The following WWOX variants were observed in gnomAD, a reference collection of about 807,000 sequenced individuals.
The protein encoded by WWOX is WW domain containing oxidoreductase.
In WWOX, 69 loss-of-function variants were observed where a neutral mutation model predicts 46.2. The ratio of observed to expected loss-of-function variants is 1.49; its 90% CI spans 1.23 to 1.82. WWOX has a LOEUF of 1.82. WWOX is among the 40% of genes most tolerant of loss of function. The probability of loss-of-function intolerance (pLI) is 0.00; values close to 1 mark genes in which losing one functional copy is unlikely to be tolerated. For synonymous variants in WWOX, 359 were observed against 202.6 expected (o/e 1.77, Z -6.56); for missense variants, 919 against 542.6 (o/e 1.69, Z -6.89).
At chr16:78,310,345 C>G (rs1054502759) in intron 5 of WWOX, among the ~76,000 whole-genome samples, 1 of 152,228 alleles carries the variant, frequency 6.6e-6, no homozygotes, top group Non-Finnish European at 1.5e-5. Context: ...CTCACACATG[C>G]ACGCACACAC....
chr16:78,615,610 C>T lies in WWOX; in HGVS notation c.1056+182858C>T, dbSNP rs554031994. Among the ~76,000 whole-genome samples the T allele has an allele frequency of 2.7e-4, 41 of 151,942 alleles. 1 individual carries two copies. The highest frequency in any genetic ancestry group is 6.3e-4 in the African/African-American group (26 of 41,402). The stretch of plus-strand genomic sequence containing the variant: ...AGTTGGAGGTTGCTGCAGCTATGTT[C>T]GCACCACTGTATTCCAGTCTGGGCA... On this transcript the variant is annotated intron_variant, in intron 8 of 8. Transcript: ENST00000566780.
At chr16:78,320,056 G>A (rs1396812595) in intron 5 of WWOX, among the ~76,000 whole-genome samples, 1 of 152,178 alleles carries the variant, frequency 6.6e-6, no homozygotes, top group Non-Finnish European at 1.5e-5. Flanking sequence ...ATATTTGGGT[G>A]AGAGTATTTG....
intron 8 of WWOX, among the ~76,000 whole-genome samples, chr16:78,604,068 C>T (rs561016275): frequency 1.9e-3 from 288 of 152,160 alleles, no homozygotes; most frequent in African/African-American, 5.4e-3. Context: ...CGCTTGAGCC[C>T]GGGAGGTGGA....
chr16:78,495,769 A>G (rs1292973733), intron 8 of WWOX, among the ~76,000 whole-genome samples: 2 of 152,086 alleles, frequency 1.3e-5, no homozygotes, highest in African/African-American at 2.4e-5. Context: ...CCACCTCCCA[A>G]AGTGCTGGGA....
In WWOX at chr16:78,752,809, A is replaced by C. The variant is rs183086562; in HGVS notation, c.1056+320057A>C. 5.3e-5 allele frequency among the ~76,000 whole-genome samples: 8 copies of C among 152,326 alleles called. No homozygotes were observed. In the East Asian group the frequency reaches 1.5e-3, roughly 29 times the overall value. ...ATAAATTTAATCACATAATTACTTAAATGGCCTGGCGAGCCGCCTTACCTA... is the reference window on the plus strand; with the variant it reads ...ATAAATTTAATCACATAATTACTTACATGGCCTGGCGAGCCGCCTTACCTA... On this transcript the variant is annotated intron_variant, in intron 8 of 8. Transcript: ENST00000566780.
intron 8 of WWOX, among the ~76,000 whole-genome samples, chr16:78,723,619 TTTC>T (rs1368917374): frequency 9.2e-5 from 9 of 97,366 alleles, no homozygotes; most frequent in East Asian, 2.6e-4. Context: ...TTTCTTTTCT[TTTC>T]TTTTCTTTTT....
intron 8 of WWOX, among the ~76,000 whole-genome samples, chr16:78,706,755 A>G (rs1418176576): frequency 2.0e-5 from 3 of 152,112 alleles, no homozygotes; most frequent in African/African-American, 7.2e-5. Context: ...GGCACCTCAG[A>G]TGGTTCTTCC....
At chr16:78,250,909 C>T (rs1175025541) in intron 5 of WWOX, among the ~76,000 whole-genome samples, 2 of 152,178 alleles carry the variant, frequency 1.3e-5, no homozygotes, top group African/African-American at 4.8e-5. Context: ...CTCAGGACCT[C>T]AATCCCCTGT....
intron 8 of WWOX, among the ~76,000 whole-genome samples, chr16:78,865,996 C>T (rs888366398): frequency 6.6e-6 from 1 of 152,144 alleles, no homozygotes; most frequent in Middle Eastern, 3.2e-3. Flanking sequence ...ACATACTACG[C>T]AGAAAGGGAA....
chr16:79,151,727 C>T (rs1303657848), intron 8 of WWOX, among the ~76,000 whole-genome samples: 4 of 152,142 alleles, frequency 2.6e-5, no homozygotes, highest in East Asian at 3.9e-4. Flanking sequence ...AGTCTCCGAA[C>T]GGCCTGCCAG....
rs560458666 is a variant in WWOX, at chr16:79,093,554, C to T, written c.1057-118054C>T. On this transcript the variant is annotated intron_variant, in intron 8 of 8. Coordinates refer to ENST00000566780, the MANE Select transcript of WWOX (RefSeq NM_016373.4). Reference sequence around the variant, plus strand: ...AACAGTCACAGTGGCTCAGCCACCACCCGCAGCAGGCAGTGGGCCCACTTC... The same window carrying T: ...AACAGTCACAGTGGCTCAGCCACCATCCGCAGCAGGCAGTGGGCCCACTTC... 2.6e-5 allele frequency among the ~76,000 whole-genome samples: 4 copies of T among 152,180 alleles called. No homozygotes were observed. The South Asian group carries it at 6.2e-4, about 24-fold the overall frequency.
intron 8 of WWOX, among the ~76,000 whole-genome samples, chr16:78,469,892 A>G (rs528697867): frequency 6.6e-6 from 1 of 152,376 alleles, no homozygotes; most frequent in South Asian, 2.1e-4. Flanking sequence ...ACCTGGGATT[A>G]GATAGAGCCA....
intron 8 of WWOX, among the ~76,000 whole-genome samples, chr16:78,783,880 G>A (rs1271244166): frequency 1.4e-5 from 1 of 72,846 alleles, no homozygotes; most frequent in East Asian, 4.0e-4. Flanking sequence ...TGATGACGAT[G>A]ATAATGGTGA....
chr16:78,221,404 G>A (rs2036884447), intron 5 of WWOX, among the ~76,000 whole-genome samples: 1 of 152,158 alleles, frequency 6.6e-6, no homozygotes, highest in Non-Finnish European at 1.5e-5. Flanking sequence ...CTTGTGTTAT[G>A]TGTAAAGGAG....
intron 8 of WWOX, among the ~76,000 whole-genome samples, chr16:78,832,560 C>G (rs901144142): frequency 6.6e-6 from 1 of 152,168 alleles, no homozygotes; most frequent in Non-Finnish European, 1.5e-5. Context: ...TCTCCTAACA[C>G]CTGCTCGCTT....
chr16:79,028,559 CCTCT>C (rs1285912506), intron 8 of WWOX, among the ~76,000 whole-genome samples: 1 of 151,486 alleles, frequency 6.6e-6, no homozygotes, highest in African/African-American at 2.4e-5. Flanking sequence ...TTTCTTCCCT[CCTCT>C]CTCCTTCCTT....
At chr16:78,755,803 C>T (rs562438381) in intron 8 of WWOX, among the ~76,000 whole-genome samples, 5 of 152,224 alleles carry the variant, frequency 3.3e-5, no homozygotes, top group African/African-American at 4.8e-5. Context: ...TCCACTCTCA[C>T]TTTCGCCATT....
chr16:78,710,831 G>T (rs987979483), intron 8 of WWOX, among the ~76,000 whole-genome samples: 2 of 151,746 alleles, frequency 1.3e-5, no homozygotes, highest in Non-Finnish European at 2.9e-5. Flanking sequence ...GGCCCAGGCT[G>T]ATCTCAAACT....
intron 8 of WWOX, among the ~76,000 whole-genome samples, chr16:79,037,622 G>A (rs1190420272): frequency 6.6e-6 from 1 of 152,160 alleles, no homozygotes; most frequent in Non-Finnish European, 1.5e-5. Context: ...GAGGCAGGAT[G>A]GGCAGGTTGC....
Sources: gnomAD v4.1 joint callset for allele counts (sites outside exome capture counted in the v4.1 genomes callset) on GRCh38, gnomAD v4.1.1 for gene constraint, MANE v1.5 for transcripts, NCBI Gene and HGNC (gene_info 2026-07-23, HGNC 2026-07-21) for gene names.